FAM204A: variants seen among roughly 807,000 people sequenced by gnomAD.
The protein encoded by FAM204A is family with sequence similarity 204 member A.
A neutral mutation model predicts 35.4 loss-of-function variants in FAM204A; 16 were observed. The observed-to-expected ratio is 0.45, with a 90% confidence interval of 0.31 to 0.69. FAM204A has a LOEUF of 0.69. FAM204A is among the 30% of genes least tolerant of loss of function. The probability of loss-of-function intolerance (pLI) is 0.07; values close to 1 mark genes in which losing one functional copy is unlikely to be tolerated. For synonymous variants in FAM204A, 76 were observed against 86.9 expected (o/e 0.88, Z 0.70); for missense variants, 240 against 265.7 (o/e 0.90, Z 0.67).
In FAM204A at chr10:118,335,177, A is replaced by C. The variant is rs1415464846; in HGVS notation, c.390T>G (p.Leu130=). The C allele has an allele frequency of 6.2e-7, 1 of 1,613,514 alleles. No homozygotes were observed. The highest frequency in any genetic ancestry group is 8.5e-7 in the Non-Finnish European group (1 of 1,179,776). The part of the protein sequence containing the change: ...PSSNETQWKE[L]TQYFGVNDRF... ...TATCATTGACTCCAAAATACTGAGT[A>C]AGCTCTTTCCACTGGGTTTCATTTG... Residue 130 remains leucine, a synonymous_variant, in exon 6 of 9, where the codon CTT becomes CTG. Coordinates refer to ENST00000369183, the MANE Select transcript of FAM204A (RefSeq NM_022063.3).
chr10:118,340,843 T>C (rs1246097572), intron 2 of FAM204A, among the ~76,000 whole-genome samples: 1 of 133,076 alleles, frequency 7.5e-6, no homozygotes, highest in Non-Finnish European at 1.6e-5. Context: ...CCGCCCCCAA[T>C]TTACAGATGG....
intron 6 of FAM204A, among the ~76,000 whole-genome samples, chr10:118,326,525 T>C (rs1846200086): frequency 6.6e-6 from 1 of 152,238 alleles, no homozygotes; most frequent in Non-Finnish European, 1.5e-5. Flanking sequence ...AACAATAATG[T>C]TAATGATAAC....
intron 6 of FAM204A, among the ~76,000 whole-genome samples, chr10:118,326,530 G>A (rs1240308292): frequency 6.6e-6 from 1 of 152,184 alleles, no homozygotes; most frequent in Non-Finnish European, 1.5e-5. Context: ...TAATGTTAAT[G>A]ATAACAATAG....
intron 6 of FAM204A, among the ~76,000 whole-genome samples, chr10:118,332,901 T>C (rs547151522): frequency 5.3e-5 from 8 of 152,296 alleles, no homozygotes; most frequent in Non-Finnish European, 2.9e-5. Flanking sequence ...TATAGTGAAA[T>C]TAATGAGTGA....
In FAM204A at chr10:118,308,091, T is replaced by C. The variant is rs530074000; in HGVS notation, c.*2766A>G. On this transcript the variant is annotated 3_prime_UTR_variant, in exon 9 of 9. Transcript: ENST00000369183. The stretch of plus-strand genomic sequence containing the variant: ...CATCCTGAGGGCTCCCAAACAAGAA[T>C]GCACTGCCAACTTCCCTTTCTCAGA... 1.3e-5 allele frequency: 2 copies of C among 152,368 alleles called. No homozygotes were observed. Among genetic ancestry groups the C allele is most frequent in the Non-Finnish European group, 2.9e-5 (2 of 68,040 alleles). 9.4% of individuals were successfully genotyped at this position (152,368 alleles called of 1,614,324 possible).
chr10:118,327,191 CCTT>C lies in FAM204A; in HGVS notation c.454-951_454-949del, dbSNP rs574440231. 8.5e-5 allele frequency among the ~76,000 whole-genome samples: 13 copies of C among 152,240 alleles called. No individual in the cohort carries two copies. The South Asian group carries it at 1.2e-3, about 15-fold the overall frequency. On this transcript the variant is annotated intron_variant, in intron 6 of 8. Coordinates refer to ENST00000369183, the MANE Select transcript of FAM204A (RefSeq NM_022063.3). Reference sequence around the variant, plus strand: ...ACTCTACCTCTTACAGACTTCTCCTCCTTATTTCATAACAGAAGTCCTAAGAAT... The same window carrying C: ...ACTCTACCTCTTACAGACTTCTCCTCATTTCATAACAGAAGTCCTAAGAAT...
intron 7 of FAM204A, among the ~76,000 whole-genome samples, chr10:118,312,752 G>A (rs949731422): frequency 2.6e-5 from 4 of 152,154 alleles, no homozygotes; most frequent in Non-Finnish European, 5.9e-5. Context: ...CCCGTATTTA[G>A]CAGTGCTACT....
chr10:118,305,665 T>C lies in FAM204A; in HGVS notation c.*5192A>G, dbSNP rs1430183410. The stretch of plus-strand genomic sequence containing the variant: ...AAAGAAAAACTCACTGATTTTCTAA[T>C]AGCCCGCCTGAAAATGGAGTTGTTC... On this transcript the variant is annotated 3_prime_UTR_variant, in exon 9 of 9. Transcript: ENST00000369183. The C allele has an allele frequency of 1.3e-5, 2 of 152,272 alleles. No homozygotes were observed. The allele number at this position is 152,272 out of a possible 1,614,324, so 9.4% of individuals were successfully genotyped here. A position where few individuals can be genotyped will look rare whatever the true frequency, so the allele number is the denominator to read the frequency against.
chr10:118,321,532 AC>A (rs540655102), intron 7 of FAM204A, among the ~76,000 whole-genome samples: 95 of 152,144 alleles, frequency 6.2e-4, no homozygotes, highest in South Asian at 5.8e-3. Flanking sequence ...CCAGAAAAAA[AC>A]ATTGTATTTG....
rs535263552 is a variant in FAM204A at position 118,305,725 on chromosome 10, T to A, written c.*5132A>T. The A allele has an allele frequency of 6.6e-5, 10 of 152,354 alleles. No homozygotes were observed. Among genetic ancestry groups the A allele is most frequent in the African/African-American group, 2.4e-4 (10 of 41,586 alleles). 9.4% of individuals were successfully genotyped at this position (152,354 alleles called of 1,614,324 possible). A position where few individuals can be genotyped will look rare whatever the true frequency, so the allele number is the denominator to read the frequency against. ...TTTACATATATTTCCTATTAGATTT[T>A]GCTTATTCATCCTTGCATCTGCAAG... On this transcript the variant is annotated 3_prime_UTR_variant, in exon 9 of 9. Coordinates refer to ENST00000369183, the MANE Select transcript of FAM204A (RefSeq NM_022063.3).
chr10:118,315,355 C>T (rs1846014534), intron 7 of FAM204A, among the ~76,000 whole-genome samples: 1 of 152,144 alleles, frequency 6.6e-6, no homozygotes, highest in South Asian at 2.1e-4. Flanking sequence ...CTTAATCTAG[C>T]ATAACTGTAA....
intron 7 of FAM204A, among the ~76,000 whole-genome samples, chr10:118,324,798 G>T (rs911495742): frequency 1.3e-5 from 2 of 151,992 alleles, no homozygotes; most frequent in South Asian, 4.1e-4. Flanking sequence ...TAATTCTACC[G>T]AACTGCACAG....
In FAM204A at chr10:118,342,308, C is replaced by A. The variant is rs1004212582; in HGVS notation, c.-248G>T. The A allele has an allele frequency of 1.3e-5, 2 of 152,476 alleles. No homozygotes were observed. The highest frequency in any genetic ancestry group is 2.4e-5 in the African/African-American group (1 of 41,476). 9.4% of individuals were successfully genotyped at this position (152,476 alleles called of 1,614,324 possible). ...GTCGCCCAGCAGCCATCTTAGGACC[C>A]CGTCAACATCGCGCCTTCTCATTGG... On this transcript the variant is annotated 5_prime_UTR_variant, in exon 1 of 9. Transcript: ENST00000369183.
rs1845876983 is a variant in FAM204A at position 118,307,228 on chromosome 10, CA to C, written c.*3628del. 1 of 152,290 alleles carries C rather than the reference CA, an allele frequency of 6.6e-6. No homozygotes were observed. The highest frequency in any genetic ancestry group is 2.4e-5 in the African/African-American group (1 of 41,556). 9.4% of individuals were successfully genotyped at this position (152,290 alleles called of 1,614,324 possible). On this transcript the variant is annotated 3_prime_UTR_variant, in exon 9 of 9. Transcript: ENST00000369183. Reference sequence around the variant, plus strand: ...TTCGACCCGTCACCATGCTAGAAGGCACTGATGTCACAAATACCAGTCTACA... The same window carrying C: ...TTCGACCCGTCACCATGCTAGAAGGCCTGATGTCACAAATACCAGTCTACA...
chr10:118,312,492 G>C (rs1845968405), intron 7 of FAM204A, among the ~76,000 whole-genome samples: 1 of 152,170 alleles, frequency 6.6e-6, no homozygotes. Flanking sequence ...CTTAATCTTG[G>C]AGAACAGTTT....
At chr10:118,330,083 T>C (rs940534060) in intron 6 of FAM204A, among the ~76,000 whole-genome samples, 1 of 152,244 alleles carries the variant, frequency 6.6e-6, no homozygotes, top group Non-Finnish European at 1.5e-5. Context: ...TAGAACTTTA[T>C]TTAATTTTTA....
At chr10:118,313,492 A>G (rs1260712478) in intron 7 of FAM204A, among the ~76,000 whole-genome samples, 1 of 152,226 alleles carries the variant, frequency 6.6e-6, no homozygotes, top group Admixed American at 6.5e-5. Context: ...ACAGCAGGCT[A>G]TGAAGGGAGC....
intron 7 of FAM204A, among the ~76,000 whole-genome samples, chr10:118,314,338 G>A (rs1478056703): frequency 6.6e-6 from 1 of 152,158 alleles, no homozygotes; most frequent in Non-Finnish European, 1.5e-5. Context: ...ATTTTCTACA[G>A]AAAGAAATCT....
intron 6 of FAM204A, among the ~76,000 whole-genome samples, chr10:118,327,826 T>C (rs539460735): frequency 6.6e-6 from 1 of 152,302 alleles, no homozygotes; most frequent in East Asian, 1.9e-4. Flanking sequence ...GCCGGCATGT[T>C]GACACACACC....
Sources: allele counts gnomAD v4.1 joint callset (sites outside exome capture counted in the v4.1 genomes callset), GRCh38; gene constraint gnomAD v4.1.1; transcripts MANE v1.5; gene names NCBI Gene and HGNC (gene_info 2026-07-23, HGNC 2026-07-21).